FRAS1: variants seen among roughly 807,000 people sequenced by gnomAD.
FRAS1 encodes the protein Fraser extracellular matrix complex subunit 1.
A neutral mutation model predicts 435.2 loss-of-function variants in FRAS1; 290 were observed. The observed-to-expected ratio is 0.67, with a 90% CI of 0.61 to 0.73. FRAS1 has a LOEUF of 0.73. FRAS1 is among the 30% of genes least tolerant of loss of function. The pLI, the probability that FRAS1 is intolerant of heterozygous loss-of-function variation, is 0.00. For missense variants in FRAS1, 4,860 were observed against 5,001.5 expected (o/e 0.97, Z 0.85); for synonymous variants, 1,800 against 1,851.0 (o/e 0.97, Z 0.71).
chr4:78,438,493 C>A (rs1049307823), intron 38 of FRAS1, 77 bp from the exon 39 acceptor site: 12 of 1,402,884 alleles, frequency 8.6e-6, no homozygotes, highest in Non-Finnish European at 1.2e-5. Context: ...AGAGAAGCAC[C>A]CATAGATCTT....
At chr4:78,482,643 T>C (rs1720048611) in intron 58 of FRAS1, 108 bp downstream of exon 58, 1 of 1,215,092 alleles carries the variant, frequency 8.2e-7, no homozygotes, top group Non-Finnish European at 1.2e-6. Context: ...TCAAGAAATA[T>C]GTGTGTGTAG....
At chr4:78,505,839 G>C (rs1428139981) in intron 61 of FRAS1, among the ~76,000 whole-genome samples, 1 of 152,176 alleles carries the variant, frequency 6.6e-6, no homozygotes, top group African/African-American at 2.4e-5. Context: ...CAGCTTTTCT[G>C]TTCTGGTTTA....
At chr4:78,447,623 A>T (rs1234631771) in intron 43 of FRAS1, among the ~76,000 whole-genome samples, 1 of 152,172 alleles carries the variant, frequency 6.6e-6, no homozygotes, top group East Asian at 1.9e-4. Context: ...AAAGATGCTT[A>T]GTGTCTCTCT....
intron 31 of FRAS1, among the ~76,000 whole-genome samples, chr4:78,411,957 G>T (rs1395338808): frequency 1.3e-5 from 2 of 152,068 alleles, no homozygotes; most frequent in Non-Finnish European, 2.9e-5. Flanking sequence ...TAAAAAAGGG[G>T]ATAATAATAT....
Position 78,466,452 on chromosome 4 carries a change from C to T in FRAS1, c.7257+17C>T. Reference sequence around the variant, plus strand: ...GGAAAAGAGGTGAGGGGTGAGGACACTGGAGGAGGTAGCCTAGCACTGCAT... The same window carrying T: ...GGAAAAGAGGTGAGGGGTGAGGACATTGGAGGAGGTAGCCTAGCACTGCAT... On this transcript the variant is annotated intron_variant, in intron 50 of 73. Coordinates refer to ENST00000512123, the MANE Select transcript of FRAS1 (RefSeq NM_025074.7). 2 of 1,583,764 alleles carry T rather than the reference C, an allele frequency of 1.3e-6. No individual in the cohort carries two copies. The highest frequency in any genetic ancestry group is 1.7e-6 in the Non-Finnish European group (2 of 1,155,532).
intron 2 of FRAS1, among the ~76,000 whole-genome samples, chr4:78,199,145 G>A (rs139881660): frequency 2.2e-4 from 34 of 152,312 alleles, no homozygotes; most frequent in African/African-American, 7.5e-4. Context: ...CTGTCACTAG[G>A]TAGTAGGCAT....
chr4:78,115,089 T>G (rs1031602422), intron 2 of FRAS1, among the ~76,000 whole-genome samples: 4 of 152,058 alleles, frequency 2.6e-5, no homozygotes, highest in Non-Finnish European at 5.9e-5. Flanking sequence ...GAGATAATCA[T>G]GTGGTTTTTG....
intron 2 of FRAS1, among the ~76,000 whole-genome samples, chr4:78,090,953 AG>A (rs1741483974): frequency 6.6e-6 from 1 of 152,240 alleles, no homozygotes; most frequent in Non-Finnish European, 1.5e-5. Context: ...AATATTCAGC[AG>A]GAGCCCAATT....
At chr4:78,505,793 T>G (rs993478660) in intron 61 of FRAS1, among the ~76,000 whole-genome samples, 3 of 152,176 alleles carry the variant, frequency 2.0e-5, no homozygotes, top group Non-Finnish European at 4.4e-5. Context: ...CTGCGATCCT[T>G]TGGAGGAGAA....
At chr4:78,135,996 G>A (rs184840812) in intron 2 of FRAS1, among the ~76,000 whole-genome samples, 21 of 152,274 alleles carry the variant, frequency 1.4e-4, no homozygotes, top group Admixed American at 3.9e-4. Context: ...TTTTATGTGT[G>A]CTTTTGCTTT....
intron 50 of FRAS1, among the ~76,000 whole-genome samples, chr4:78,467,142 G>A (rs1719556981): frequency 6.6e-6 from 1 of 151,996 alleles, no homozygotes; most frequent in African/African-American, 2.4e-5. Context: ...TTTGACATTA[G>A]TCATCTGTCA....
intron 47 of FRAS1, among the ~76,000 whole-genome samples, chr4:78,454,201 C>A (rs1719115940): frequency 6.6e-6 from 1 of 150,714 alleles, no homozygotes; most frequent in South Asian, 2.1e-4. Flanking sequence ...ACATTCCAGA[C>A]AGAGGGATCA....
intron 21 of FRAS1, 107 bp from the exon 22 acceptor site, chr4:78,363,801 A>G: frequency 6.9e-7 from 1 of 1,442,382 alleles, no homozygotes; most frequent in Non-Finnish European, 9.4e-7. Flanking sequence ...TGTAAACCAG[A>G]CTTGCCAATG....
chr4:78,446,023 C>G, intron 42 of FRAS1: 1 of 1,230,528 alleles, frequency 8.1e-7, no homozygotes, highest in Non-Finnish European at 1.0e-6. Flanking sequence ...GTCTATGTTT[C>G]TCTGAAATTG....
intron 2 of FRAS1, among the ~76,000 whole-genome samples, chr4:78,201,672 CAAAAT>C (rs1723053247): frequency 6.6e-6 from 1 of 152,078 alleles, no homozygotes; most frequent in East Asian, 1.9e-4. Context: ...ATATTAAAGA[CAAAAT>C]AAAGTTAGTT....
At chr4:78,446,924 C>T (rs533764745) in intron 43 of FRAS1, 44 bp downstream of exon 43, 32 of 1,545,820 alleles carry the variant, frequency 2.1e-5, no homozygotes, top group Middle Eastern at 1.7e-4. Context: ...TTGAGATGCC[C>T]GATGGGCTGT....
At position 78,215,431 on chromosome 4, in the gene FRAS1, T is replaced by C. The variant is rs533061640; in HGVS notation, c.109-22079T>C. ...GGATGGTCTTGATCTCTTGACCTCG[T>C]GATCTGCCTGCCTTGGCCTCCCAAA... On this transcript the variant is annotated intron_variant, in intron 2 of 73. Transcript: ENST00000512123. 3.4e-3 allele frequency among the ~76,000 whole-genome samples: 524 copies of C among 152,272 alleles called. 2 individuals are homozygous for C. The highest frequency in any genetic ancestry group is 0.014 in the Middle Eastern group (4 of 294).
intron 2 of FRAS1, among the ~76,000 whole-genome samples, chr4:78,175,911 AG>A (rs1441115756): frequency 6.6e-6 from 1 of 152,140 alleles, no homozygotes; most frequent in Non-Finnish European, 1.5e-5. Flanking sequence ...GTCCAGCACA[AG>A]GGCTCTCAAG....
Position 78,267,256 on chromosome 4 carries a change from C to T in FRAS1, c.805C>T (p.Arg269Trp), listed in dbSNP as rs367972398. The T allele has an allele frequency of 2.3e-5, 37 of 1,613,404 alleles. No homozygotes were observed. Among genetic ancestry groups the T allele is most frequent in the East Asian group, 4.5e-5 (2 of 44,880 alleles). Reference sequence around the variant, plus strand: ...TGTGTCCTAGGGTCAGAGCAGGGCTCGGCGTCATGGGCAATGCTGTGAGGA... The same window carrying T: ...TGTGTCCTAGGGTCAGAGCAGGGCTTGGCGTCATGGGCAATGCTGTGAGGA... ...LRCGKGQSRA[R>W]RHGQCCEECV... The change falls in exon 9 of 74, where the codon CGG (arginine) becomes TGG (tryptophan). Residue 269 changes from arginine (R) to tryptophan (W), a missense_variant. Transcript: ENST00000512123.
Sources: gnomAD v4.1 joint callset for allele counts (sites outside exome capture counted in the v4.1 genomes callset) on GRCh38, gnomAD v4.1.1 for gene constraint, MANE v1.5 for transcripts, NCBI Gene and HGNC (gene_info 2026-07-23, HGNC 2026-07-21) for gene names.